The following PARM1 variants were observed in gnomAD, a reference collection of about 807,000 sequenced individuals.
The protein encoded by PARM1 is prostate androgen-regulated mucin-like protein 1.
Under a neutral mutation model 24.6 loss-of-function variants are expected in PARM1, and 14 were observed. That is an observed-to-expected ratio of 0.57 (90% CI 0.38 to 0.89). PARM1 has a LOEUF of 0.89. PARM1 is among the 40% of genes least tolerant of loss of function. The pLI is 0.00. For synonymous variants in PARM1, 179 were observed against 156.6 expected, an observed-to-expected ratio of 1.14 and a Z score of -1.07; for missense variants, 362 against 380.4, an observed-to-expected ratio of 0.95 and a Z score of 0.40.
rs774906844 is a variant in PARM1, at chr4:75,012,591, A to C, written c.210A>C (p.Ala70=). 6.2e-7 allele frequency: 1 copy of C among 1,613,988 alleles called. No homozygotes were observed. The highest frequency in any genetic ancestry group is 8.5e-7 in the Non-Finnish European group (1 of 1,179,888). Reference sequence around the variant, plus strand: ...ACAACTCGGTGCTCCCAGTTACAGCATCAGCCCCAACATCTCTGCTTCCTA... The same window carrying C: ...ACAACTCGGTGCTCCCAGTTACAGCCTCAGCCCCAACATCTCTGCTTCCTA... ...THNNSVLPVT[A]SAPTSLLPKN... The change falls in exon 2 of 4, where the codon GCA becomes GCC. Residue 70 remains alanine (A), a synonymous_variant. Coordinates refer to ENST00000307428, the MANE Select transcript of PARM1 (RefSeq NM_015393.4).
chr4:74,963,749 T>C (rs566786825), intron 1 of PARM1, among the ~76,000 whole-genome samples: 79 of 152,254 alleles, frequency 5.2e-4, no homozygotes, highest in Middle Eastern at 6.8e-3. Flanking sequence ...TGAACGACAT[T>C]GTGAATGTAA....
chr4:75,021,586 G>T (rs549376956), intron 2 of PARM1, among the ~76,000 whole-genome samples: 54 of 151,536 alleles, frequency 3.6e-4, no homozygotes, highest in African/African-American at 1.2e-3. Context: ...GCTATAGTTA[G>T]TTTTTTTTTA....
At chr4:74,973,399 C>T (rs188270380) in intron 1 of PARM1, among the ~76,000 whole-genome samples, 14 of 152,212 alleles carry the variant, frequency 9.2e-5, no homozygotes, top group Admixed American at 6.5e-4. Context: ...ATATAAAATG[C>T]TTTTATTTCC....
intron 3 of PARM1, among the ~76,000 whole-genome samples, chr4:75,044,132 A>T (rs1723553265): frequency 6.6e-6 from 1 of 152,252 alleles, no homozygotes; most frequent in African/African-American, 2.4e-5. Context: ...TTAGCAACAG[A>T]TATAAGTATA....
At chr4:74,943,400 A>G (rs139478377) in intron 1 of PARM1, among the ~76,000 whole-genome samples, 10 of 152,298 alleles carry the variant, frequency 6.6e-5, no homozygotes, top group Non-Finnish European at 1.5e-4. Context: ...GGCAAAATGA[A>G]TACTTAATTC....
At chr4:74,945,062 T>A (rs1213402207) in intron 1 of PARM1, among the ~76,000 whole-genome samples, 1 of 152,212 alleles carries the variant, frequency 6.6e-6, no homozygotes, top group East Asian at 1.9e-4. Flanking sequence ...AGGCAACTGC[T>A]TAAAATAATG....
chr4:75,049,862 TTTTC>T lies in PARM1; in HGVS notation c.*3619_*3622del, dbSNP rs1422138067. On this transcript the variant is annotated 3_prime_UTR_variant, in exon 4 of 4. Coordinates refer to ENST00000307428, the MANE Select transcript of PARM1 (RefSeq NM_015393.4). ...CACCTTCTTTGCCTTTAAGCCTTTT[TTTTC>T]TTTTTTTTTTTTTTGGCAAATGAAT... The T allele has an allele frequency of 2.0e-5, 3 of 150,632 alleles. No homozygotes were observed. In the Admixed American group the frequency reaches 2.0e-4, roughly 10 times the overall value. The allele number at this position is 150,632 out of a possible 1,614,324, so 9.3% of individuals were successfully genotyped here. A position where few individuals can be genotyped will look rare whatever the true frequency, so the allele number is the denominator to read the frequency against.
intron 3 of PARM1, among the ~76,000 whole-genome samples, chr4:75,042,712 C>A (rs2109815994): frequency 6.6e-6 from 1 of 152,046 alleles, no homozygotes; most frequent in South Asian, 2.1e-4. Context: ...TAATTATTGT[C>A]CTCTTATCAC....
chr4:75,032,711 G>A (rs927960619), intron 2 of PARM1, among the ~76,000 whole-genome samples: 1 of 152,152 alleles, frequency 6.6e-6, no homozygotes, highest in Non-Finnish European at 1.5e-5. Context: ...AGTCGTCAGG[G>A]TTAAGTAAAT....
chr4:74,990,191 A>G (rs1443630859), intron 1 of PARM1, among the ~76,000 whole-genome samples: 1 of 152,170 alleles, frequency 6.6e-6, no homozygotes, highest in Admixed American at 6.6e-5. Flanking sequence ...TCAGATTGGC[A>G]GGGAAGATGC....
intron 3 of PARM1, among the ~76,000 whole-genome samples, chr4:75,045,848 T>G (rs1037880434): frequency 6.6e-6 from 1 of 152,218 alleles, no homozygotes; most frequent in African/African-American, 2.4e-5. Context: ...CCCTTTCCCA[T>G]CTCTTCTTAT....
intron 1 of PARM1, among the ~76,000 whole-genome samples, chr4:74,943,262 A>G (rs1436910356): frequency 6.6e-6 from 1 of 152,146 alleles, no homozygotes; most frequent in Non-Finnish European, 1.5e-5. Flanking sequence ...ACATAGCTCT[A>G]GGAGGACAGA....
chr4:74,947,600 T>C (rs1295680215), intron 1 of PARM1, among the ~76,000 whole-genome samples: 1 of 152,240 alleles, frequency 6.6e-6, no homozygotes, highest in Non-Finnish European at 1.5e-5. Context: ...AATATAACCC[T>C]TATGTTTTCA....
In PARM1 at chr4:75,013,072, T is replaced by C; in HGVS notation, c.691T>C (p.Cys231Arg). 6.2e-7 allele frequency: 1 copy of C among 1,613,974 alleles called. No homozygotes were observed. The highest frequency in any genetic ancestry group is 8.5e-7 in the Non-Finnish European group (1 of 1,179,890). The change falls in exon 2 of 4, where the codon TGT becomes CGT. Residue 231 changes from cysteine (C) to arginine (R), a missense_variant. Coordinates refer to ENST00000307428, the MANE Select transcript of PARM1 (RefSeq NM_015393.4). ...AACAACTGTGTCAGGCAAAGTGATG[T>C]GTGAGCTCATAGACATGGAGACCAC... is the stretch of plus-strand genomic sequence containing the variant. ...PPTTVSGKVM[C>R]ELIDMETTTT... is the part of the protein sequence containing the mutation.
chr4:74,950,116 A>G (rs181809274), intron 1 of PARM1, among the ~76,000 whole-genome samples: 76 of 152,318 alleles, frequency 5.0e-4, no homozygotes, highest in Non-Finnish European at 2.9e-5. Context: ...GCTGTGAGCT[A>G]TCTACCCCCT....
At chr4:74,955,365 A>G (rs1217880312) in intron 1 of PARM1, among the ~76,000 whole-genome samples, 2 of 152,206 alleles carry the variant, frequency 1.3e-5, no homozygotes, top group African/African-American at 2.4e-5. Flanking sequence ...CTTCTTTATG[A>G]TCTGAAATGG....
At chr4:75,003,452 A>T (rs913447013) in intron 1 of PARM1, among the ~76,000 whole-genome samples, 2 of 152,184 alleles carry the variant, frequency 1.3e-5, no homozygotes, top group Admixed American at 6.5e-5. Flanking sequence ...GATTTTATGG[A>T]TGGAGAAATT....
chr4:75,044,223 TG>T (rs1196631372), intron 3 of PARM1, among the ~76,000 whole-genome samples: 1 of 152,138 alleles, frequency 6.6e-6, no homozygotes, highest in African/African-American at 2.4e-5. Flanking sequence ...TTAGTGGGAG[TG>T]GTCATTTTTT....
At chr4:74,966,291 T>A (rs1016116636) in intron 1 of PARM1, among the ~76,000 whole-genome samples, 1 of 152,134 alleles carries the variant, frequency 6.6e-6, no homozygotes, top group East Asian at 1.9e-4. Flanking sequence ...TATTGCAATA[T>A]GTGTCAAGAC....
Sources: allele counts gnomAD v4.1 joint callset (sites outside exome capture counted in the v4.1 genomes callset), GRCh38; gene constraint gnomAD v4.1.1; transcripts MANE v1.5; gene names NCBI Gene and HGNC (gene_info 2026-07-23, HGNC 2026-07-21).